Variants in THAP6 observed in about 807,000 individuals in gnomAD.
The protein encoded by THAP6 is THAP domain containing 6.
THAP6 carries 13 observed loss-of-function variants against 20.0 expected under a neutral mutation model. The observed-to-expected ratio is 0.65, with a 90% confidence interval of 0.42 to 1.03. THAP6 has a LOEUF of 1.03. THAP6 is among the 50% of genes least tolerant of loss of function. THAP6 has a pLI of 0.00. For synonymous variants in THAP6, 93 were observed against 92.2 expected (o/e 1.01, Z -0.05); for missense variants, 262 against 261.6 (o/e 1.00, Z -0.01).
At chr4:75,531,240 C>G (rs535567596), downstream of THAP6, among the ~76,000 whole-genome samples, 1 of 152,262 alleles carries the variant, frequency 6.6e-6, no homozygotes, top group South Asian at 2.1e-4. Context: ...GGCTGTATGA[C>G]CAGCCCCAAA....
intron 2 of THAP6, among the ~76,000 whole-genome samples, chr4:75,537,264 G>T (rs1726886014): frequency 6.6e-6 from 1 of 152,132 alleles, no homozygotes; most frequent in Non-Finnish European, 1.5e-5. Context: ...CCTAGAACAT[G>T]TGAATATCAC....
In THAP6 at chr4:75,527,579, T is replaced by G; in HGVS notation, c.*365T>G. On this transcript the variant is annotated 3_prime_UTR_variant, in exon 5 of 5. Coordinates refer to ENST00000311638, the MANE Select transcript of THAP6 (RefSeq NM_144721.6). ...GATATTTGGCTTCAAAGGAGTACCT[T>G]TACTTACATGTGCTTTATGGTAAGT... 9.6e-7 allele frequency: 1 copy of G among 1,040,848 alleles called. No homozygotes were observed. The highest frequency in any genetic ancestry group is 1.7e-5 in the African/African-American group (1 of 59,206). The allele number at this position is 1,040,848 out of a possible 1,614,324, so 64.5% of individuals were successfully genotyped here.
intron 4 of THAP6, among the ~76,000 whole-genome samples, chr4:75,525,195 T>A (rs1193489584): frequency 6.6e-6 from 1 of 152,166 alleles, no homozygotes; most frequent in Non-Finnish European, 1.5e-5. Flanking sequence ...CTTGGAAAAA[T>A]TTTGGCCATG....
rs1260284957 is a variant in THAP6, at chr4:75,529,219, TTAAAG to T, written c.*2009_*2013del. ...CTCACCCTATTTGTGAATATATAAA[TTAAAG>T]TAAGACAATGGAGTAAGTAAGAGGG... On this transcript the variant is annotated 3_prime_UTR_variant, in exon 5 of 5. Coordinates refer to ENST00000311638, the MANE Select transcript of THAP6 (RefSeq NM_144721.6). The T allele has an allele frequency of 6.1e-6, 6 of 984,732 alleles. No homozygotes were observed. Among genetic ancestry groups the T allele is most frequent in the Middle Eastern group, 5.2e-4 (1 of 1,936 alleles). 61.0% of individuals were successfully genotyped at this position (984,732 alleles called of 1,614,324 possible). A position where few individuals can be genotyped will look rare whatever the true frequency, so the allele number is the denominator to read the frequency against.
At chr4:75,540,515 A>G (rs1009679717) in intron 2 of THAP6, among the ~76,000 whole-genome samples, 1 of 152,202 alleles carries the variant, frequency 6.6e-6, no homozygotes, top group African/African-American at 2.4e-5. Context: ...TTTGTGTCCA[A>G]TAATAAACTT....
At chr4:75,535,615 C>T (rs987446017) in intron 2 of THAP6, among the ~76,000 whole-genome samples, 1 of 152,128 alleles carries the variant, frequency 6.6e-6, no homozygotes, top group Non-Finnish European at 1.5e-5. Context: ...CTAGCAGGTC[C>T]CTCTAGTTAT....
At chr4:75,531,624 C>T (rs970981615), downstream of THAP6, among the ~76,000 whole-genome samples, 5 of 152,112 alleles carry the variant, frequency 3.3e-5, no homozygotes, top group South Asian at 4.1e-4. Flanking sequence ...TAAAGACATA[C>T]CCGAGACTGA....
chr4:75,536,043 C>T (rs1726843412), intron 2 of THAP6, among the ~76,000 whole-genome samples: 1 of 152,206 alleles, frequency 6.6e-6, no homozygotes, highest in Non-Finnish European at 1.5e-5. Flanking sequence ...GCAAGAAAGT[C>T]TTTGGTCTCC....
rs1165461746 is a variant in THAP6, at chr4:75,516,863, G to C, written c.172G>C (p.Gly58Arg). The change falls in exon 3 of 5, where the codon GGA becomes CGA. Residue 58 changes from glycine (G) to arginine (R), a missense_variant. Coordinates refer to ENST00000311638, the MANE Select transcript of THAP6 (RefSeq NM_144721.6). ...NAAGIWEPKK[G>R]DVLCSRHFKK... ...AGCCGGCATTTGGGAGCCTAAAAAA[G>C]GAGATGTGTTGTGTTCGAGGCACTT... 6.2e-7 allele frequency: 1 copy of C among 1,613,968 alleles called. No homozygotes were observed. Among genetic ancestry groups the C allele is most frequent in the South Asian group, 1.1e-5 (1 of 91,078 alleles).
chr4:75,533,428 C>T (rs1237839868), downstream of THAP6, among the ~76,000 whole-genome samples: 2 of 152,130 alleles, frequency 1.3e-5, no homozygotes, highest in South Asian at 2.1e-4. Flanking sequence ...CCCACATTTT[C>T]GTATCTTCTT....
At chr4:75,518,483 C>T (rs976679829) in intron 3 of THAP6, among the ~76,000 whole-genome samples, 2 of 152,200 alleles carry the variant, frequency 1.3e-5, no homozygotes, top group African/African-American at 4.8e-5. Flanking sequence ...GTGCCAGGCA[C>T]TATTCCAAGT....
At chr4:75,517,082 G>A (rs1298160832) in intron 3 of THAP6, 103 bp downstream of exon 3, 8 of 822,980 alleles carry the variant, frequency 9.7e-6, no homozygotes, top group Non-Finnish European at 1.5e-5. Context: ...GCAGTGGCGC[G>A]ATCTCAGCTC....
Position 75,529,992 on chromosome 4 carries a change from A to T in THAP6, c.*2778A>T, listed in dbSNP as rs568382891. The T allele has an allele frequency of 1.1e-6, 1 of 913,424 alleles. No homozygotes were observed. The allele number at this position is 913,424 out of a possible 1,614,324, so 56.6% of individuals were successfully genotyped here. A position where few individuals can be genotyped will look rare whatever the true frequency, so the allele number is the denominator to read the frequency against. Reference sequence around the variant, plus strand: ...AATTGAGAGAGAGAAAATCTATTATAATTTATTTGAAAAATAAAACATTTT... The same window carrying T: ...AATTGAGAGAGAGAAAATCTATTATTATTTATTTGAAAAATAAAACATTTT... On this transcript the variant is annotated 3_prime_UTR_variant, in exon 5 of 5. Transcript: ENST00000311638.
chr4:75,525,343 T>C (rs961952708), intron 4 of THAP6, among the ~76,000 whole-genome samples: 1 of 152,192 alleles, frequency 6.6e-6, no homozygotes, highest in Admixed American at 6.5e-5. Flanking sequence ...CTCTCTGTAG[T>C]CCATACTGGA....
At position 75,529,806 on chromosome 4, in the gene THAP6, T is replaced by C. The variant is rs969308299; in HGVS notation, c.*2592T>C. On this transcript the variant is annotated 3_prime_UTR_variant, in exon 5 of 5. Coordinates refer to ENST00000311638, the MANE Select transcript of THAP6 (RefSeq NM_144721.6). ...AGCACCAAGTCAGGTACGAAGCGCT[T>C]GATACGTGGAATTTTTCTCTATATC... 4.1e-6 allele frequency: 4 copies of C among 985,322 alleles called. No individual in the cohort carries two copies. Among genetic ancestry groups the C allele is most frequent in the Non-Finnish European group, 4.8e-6 (4 of 829,934 alleles). The allele number at this position is 985,322 out of a possible 1,614,324, so 61.0% of individuals were successfully genotyped here.
At chr4:75,515,319 T>C (rs1725492618) in intron 1 of THAP6, 114 bp from the exon 2 acceptor site, 5 of 910,000 alleles carry the variant, frequency 5.5e-6, no homozygotes, top group Non-Finnish European at 8.7e-6. Context: ...TAGAAGAAGA[T>C]ATTTGTCTTT....
Position 75,516,781 on chromosome 4 carries a change from A to T in THAP6, c.90A>T (p.Thr30=). 6.2e-7 allele frequency: 1 copy of T among 1,613,138 alleles called. No homozygotes were observed. The highest frequency in any genetic ancestry group is 8.5e-7 in the Non-Finnish European group (1 of 1,179,596). Residue 30 remains threonine (T), a synonymous_variant, in exon 3 of 5, where the codon ACA becomes ACT. Coordinates refer to ENST00000311638, the MANE Select transcript of THAP6 (RefSeq NM_144721.6). ...LKGLTFHVFP[T]DENIKRKWVL... ...TGTATTTTTTTTCTAGATTCCCCAC[A>T]GATGAAAACATCAAAAGGAAATGGG...
chr4:75,526,104 T>C (rs1350306816), intron 4 of THAP6, among the ~76,000 whole-genome samples: 1 of 152,222 alleles, frequency 6.6e-6, no homozygotes, highest in Non-Finnish European at 1.5e-5. Context: ...GGGTTTCCCT[T>C]CCTTGCCCTG....
chr4:75,527,219 A>G lies in THAP6; in HGVS notation c.*5A>G. ...GAACAGGACTATATTTCATGAAATA[A>G]TTTCATGTTACGTTCCACCTAAAAT... On this transcript the variant is annotated 3_prime_UTR_variant, in exon 5 of 5. Transcript: ENST00000311638. 1 of 1,593,916 alleles carries G rather than the reference A, an allele frequency of 6.3e-7. No homozygotes were observed. Among genetic ancestry groups the G allele is most frequent in the Non-Finnish European group, 8.6e-7 (1 of 1,166,872 alleles).
Sources: gnomAD v4.1 joint callset for allele counts (sites outside exome capture counted in the v4.1 genomes callset) on GRCh38, gnomAD v4.1.1 for gene constraint, MANE v1.5 for transcripts, NCBI Gene and HGNC (gene_info 2026-07-23, HGNC 2026-07-21) for gene names.